RARB: variants seen among roughly 807,000 people sequenced by gnomAD.
The protein encoded by RARB is retinoic acid receptor beta.
A neutral mutation model predicts 51.9 loss-of-function variants in RARB; 17 were observed. The observed-to-expected ratio is 0.33, with a 90% CI of 0.22 to 0.49. The LOEUF (loss-of-function observed/expected upper bound fraction) is 0.49, where lower values mean the gene tolerates loss of function less well. Among genes scored for constraint, RARB ranks in the 20% least tolerant of loss-of-function variants. RARB has a pLI of 0.99. For missense variants in RARB, 369 were observed against 550.8 expected, an observed-to-expected ratio of 0.67 and a Z score of 3.30; for synonymous variants, 215 against 195.4, an observed-to-expected ratio of 1.10 and a Z score of -0.84.
intron 3 of RARB, among the ~76,000 whole-genome samples, chr3:25,537,781 A>G (rs1559456898): frequency 6.6e-6 from 1 of 152,196 alleles, no homozygotes; most frequent in Non-Finnish European, 1.5e-5. Flanking sequence ...ACTATAATCA[A>G]AATGAAGACT....
intron 3 of RARB, among the ~76,000 whole-genome samples, chr3:25,095,591 T>C (rs1699279295): frequency 6.6e-6 from 1 of 152,148 alleles, no homozygotes; most frequent in African/African-American, 2.4e-5. Flanking sequence ...GAGAAATATA[T>C]TTAAACTCAA....
At chr3:25,482,680 C>T (rs1696287824) in intron 2 of RARB, among the ~76,000 whole-genome samples, 1 of 151,726 alleles carries the variant, frequency 6.6e-6, no homozygotes, top group South Asian at 2.1e-4. Context: ...GCTGGGACTA[C>T]AGGCGCGTGC....
chr3:25,465,353 C>T (rs1695378944), intron 2 of RARB, among the ~76,000 whole-genome samples: 3 of 152,108 alleles, frequency 2.0e-5, no homozygotes, highest in Admixed American at 2.0e-4. Flanking sequence ...CCTTGTTGAC[C>T]GGTAGAAACT....
rs11401651 is a variant in RARB at position 25,383,930 on chromosome 3, CA to C, written c.179-77249del. Among the ~76,000 whole-genome samples the C allele has an allele frequency of 4.6e-3, 589 of 128,550 alleles. 5 individuals carry two copies. Among genetic ancestry groups the C allele is most frequent in the African/African-American group, 0.013 (441 of 35,100 alleles). 84.3% of individuals were successfully genotyped at this position (128,550 alleles called of 152,430 possible). On this transcript the variant is annotated intron_variant, in intron 5 of 11. Coordinates refer to the RARB transcript ENST00000383772. ...GGGGGACAAGAGTGAGACTTTGTCT[CA>C]AAAAAAAAAAAAAGGTTTTTAATTT...
At chr3:25,207,877 C>T (rs539247576) in intron 5 of RARB, among the ~76,000 whole-genome samples, 33 of 152,286 alleles carry the variant, frequency 2.2e-4, no homozygotes, top group Non-Finnish European at 4.1e-4. Context: ...TTAATTGGCT[C>T]ACAGTTCCAG....
intron 1 of RARB, among the ~76,000 whole-genome samples, chr3:24,854,708 G>A (rs1702610239): frequency 6.6e-6 from 1 of 152,128 alleles, no homozygotes; most frequent in Non-Finnish European, 1.5e-5. Flanking sequence ...CCTACGTATT[G>A]TAGGATATTT....
At chr3:25,167,748 G>A (rs1266412464) in intron 4 of RARB, among the ~76,000 whole-genome samples, 1 of 152,198 alleles carries the variant, frequency 6.6e-6, no homozygotes, top group Non-Finnish European at 1.5e-5. Flanking sequence ...CCATAGGGTG[G>A]TAGTGGTGGA....
At chr3:24,993,150 A>C (rs1436166932) in intron 2 of RARB, among the ~76,000 whole-genome samples, 1 of 152,194 alleles carries the variant, frequency 6.6e-6, no homozygotes, top group Non-Finnish European at 1.5e-5. Flanking sequence ...TATAGGGAAT[A>C]CATATACAAA....
intron 5 of RARB, among the ~76,000 whole-genome samples, chr3:25,421,439 T>C (rs1194842228): frequency 1.5e-5 from 2 of 135,414 alleles, no homozygotes; most frequent in East Asian, 2.3e-4. Flanking sequence ...TTTGAGACAG[T>C]CTTGCTGTGT....
chr3:25,074,719 C>T (rs1388862297), intron 3 of RARB, among the ~76,000 whole-genome samples: 2 of 152,102 alleles, frequency 1.3e-5, no homozygotes, highest in Non-Finnish European at 2.9e-5. Context: ...TCACACTGTA[C>T]CACTGAGAAA....
intron 5 of RARB, among the ~76,000 whole-genome samples, chr3:25,393,128 C>A (rs1221296611): frequency 3.9e-5 from 6 of 151,980 alleles, no homozygotes; most frequent in Non-Finnish European, 8.8e-5. Flanking sequence ...ATGCTTTTTT[C>A]TGTGTCTATT....
intron 5 of RARB, among the ~76,000 whole-genome samples, chr3:25,313,395 A>G (rs1246820700): frequency 6.6e-6 from 1 of 152,214 alleles, no homozygotes; most frequent in Non-Finnish European, 1.5e-5. Context: ...ATTCATTATC[A>G]GTACATTGGT....
At chr3:24,903,106 A>G (rs1703642129) in intron 2 of RARB, among the ~76,000 whole-genome samples, 1 of 152,086 alleles carries the variant, frequency 6.6e-6, no homozygotes, top group Non-Finnish European at 1.5e-5. Context: ...CAAGTAGTAA[A>G]TACATTTCTA....
intron 5 of RARB, among the ~76,000 whole-genome samples, chr3:25,349,855 G>A (rs1242083436): frequency 6.6e-6 from 1 of 152,146 alleles, no homozygotes; most frequent in East Asian, 1.9e-4. Flanking sequence ...ATTCTTGGTA[G>A]GACTCTGCTC....
intron 1 of RARB, among the ~76,000 whole-genome samples, chr3:25,459,851 A>T (rs780598517): frequency 6.6e-6 from 1 of 152,216 alleles, no homozygotes; most frequent in Non-Finnish European, 1.5e-5. Context: ...AGATTCTGGA[A>T]CATTATTTAA....
Position 24,880,919 on chromosome 3 carries a change from C to T in RARB, c.-380+22167C>T, listed in dbSNP as rs1387595989. 6.6e-5 allele frequency among the ~76,000 whole-genome samples: 10 copies of T among 152,314 alleles called. No individual in the cohort carries two copies. In the South Asian group the frequency reaches 1.5e-3, roughly 22 times the overall value. Reference sequence around the variant, plus strand: ...AATAAAGATTTATAGACTTAATCCTCATATGTAGAAGTTCTTTGGGATCTA... The same window carrying T: ...AATAAAGATTTATAGACTTAATCCTTATATGTAGAAGTTCTTTGGGATCTA... On this transcript the variant is annotated intron_variant, in intron 2 of 11. Coordinates refer to the RARB transcript ENST00000383772.
chr3:25,370,098 A>G (rs1706253305), intron 5 of RARB, among the ~76,000 whole-genome samples: 1 of 152,196 alleles, frequency 6.6e-6, no homozygotes, highest in Non-Finnish European at 1.5e-5. Flanking sequence ...GTGTATGCAT[A>G]TATACACACA....
At chr3:25,305,533 C>T (rs1293290189) in intron 5 of RARB, among the ~76,000 whole-genome samples, 1 of 152,126 alleles carries the variant, frequency 6.6e-6, no homozygotes, top group African/African-American at 2.4e-5. Context: ...AGTTTCTGTG[C>T]AAGGGTTGAA....
chr3:25,426,850 A>G (rs1302608567), upstream of RARB, among the ~76,000 whole-genome samples: 1 of 152,166 alleles, frequency 6.6e-6, no homozygotes, highest in African/African-American at 2.4e-5. Flanking sequence ...GTTTATTTGT[A>G]AATACTGCAT....
Sources: allele counts gnomAD v4.1 joint callset (sites outside exome capture counted in the v4.1 genomes callset), GRCh38; gene constraint gnomAD v4.1.1; transcripts MANE v1.5; gene names NCBI Gene and HGNC (gene_info 2026-07-23, HGNC 2026-07-21).